Variants in NOS1AP observed in about 807,000 individuals in gnomAD.
The protein encoded by NOS1AP is carboxyl-terminal PDZ ligand of neuronal nitric oxide synthase protein.
NOS1AP carries 21 observed loss-of-function variants against 56.2 expected under a neutral mutation model. The ratio of observed to expected loss-of-function variants is 0.37; its 90% CI spans 0.26 to 0.54. The LOEUF is 0.54. NOS1AP is among the 20% of genes least tolerant of loss of function. The pLI, the probability that NOS1AP is intolerant of heterozygous loss-of-function variation, is 0.84. For missense variants in NOS1AP, 522 were observed against 657.8 expected (o/e 0.79, Z 2.26); for synonymous variants, 270 against 274.6 (o/e 0.98, Z 0.17).
intron 1 of NOS1AP, among the ~76,000 whole-genome samples, chr1:162,115,984 AG>A (rs1465253347): frequency 6.6e-6 from 1 of 152,212 alleles, no homozygotes; most frequent in Non-Finnish European, 1.5e-5. Context: ...TACTCAAAGT[AG>A]AAGGTTGTTT....
At chr1:162,112,469 T>A (rs1003632979) in intron 1 of NOS1AP, among the ~76,000 whole-genome samples, 1 of 152,190 alleles carries the variant, frequency 6.6e-6, no homozygotes, top group Non-Finnish European at 1.5e-5. Context: ...TGGGTTCCAA[T>A]TGGTTTATCT....
chr1:162,333,259 T>C (rs1656833692), intron 5 of NOS1AP, 134 bp downstream of exon 5: 1 of 703,794 alleles, frequency 1.4e-6, no homozygotes, highest in Admixed American at 2.0e-5. Flanking sequence ...CGTCTGTCAT[T>C]GCTCCTATAT....
intron 2 of NOS1AP, among the ~76,000 whole-genome samples, chr1:162,198,424 G>T (rs1326927635): frequency 6.6e-6 from 1 of 152,186 alleles, no homozygotes; most frequent in African/African-American, 2.4e-5. Flanking sequence ...ATGCCCTGCA[G>T]TGGCAAGATT....
chr1:162,245,375 A>G (rs1458124513), intron 2 of NOS1AP, among the ~76,000 whole-genome samples: 1 of 152,252 alleles, frequency 6.6e-6, no homozygotes, highest in East Asian at 1.9e-4. Flanking sequence ...AAGACTGACC[A>G]TGTCAAATGT....
intron 2 of NOS1AP, among the ~76,000 whole-genome samples, chr1:162,203,891 C>T (rs1652074105): frequency 6.6e-6 from 1 of 152,136 alleles, no homozygotes; most frequent in Admixed American, 6.5e-5. Flanking sequence ...AAAGAAGCAC[C>T]AAGGGTCAGC....
intron 2 of NOS1AP, among the ~76,000 whole-genome samples, chr1:162,246,254 AG>A (rs1653658740): frequency 1.3e-5 from 2 of 152,320 alleles, no homozygotes; most frequent in South Asian, 4.1e-4. Flanking sequence ...AGATACACAC[AG>A]GAAATAAGAT....
intron 1 of NOS1AP, among the ~76,000 whole-genome samples, chr1:162,090,076 T>C (rs1692093982): frequency 6.6e-6 from 1 of 152,216 alleles, no homozygotes; most frequent in African/African-American, 2.4e-5. Context: ...TACATTCTTG[T>C]TTCTAGTCAC....
At chr1:162,270,205 C>A (rs1323872495) in intron 2 of NOS1AP, among the ~76,000 whole-genome samples, 3 of 152,126 alleles carry the variant, frequency 2.0e-5, no homozygotes, top group East Asian at 1.9e-4. Context: ...CCATGGGAGA[C>A]AAGTGGCCTC....
At chr1:162,301,957 C>G (rs895795206) in intron 4 of NOS1AP, among the ~76,000 whole-genome samples, 67 of 152,158 alleles carry the variant, frequency 4.4e-4, no homozygotes, top group African/African-American at 1.4e-3. Context: ...AATACTCATG[C>G]CAGGTACTGT....
chr1:162,217,927 T>G (rs12124663), intron 2 of NOS1AP, among the ~76,000 whole-genome samples: 5,716 of 152,298 alleles, frequency 0.038, 168 homozygotes, highest in Admixed American at 0.055. Context: ...TGCCATGTAC[T>G]GAGCATATGG....
At chr1:162,253,895 G>T (rs1653942732) in intron 2 of NOS1AP, among the ~76,000 whole-genome samples, 1 of 152,118 alleles carries the variant, frequency 6.6e-6, no homozygotes, top group Admixed American at 6.6e-5. Flanking sequence ...TAAGAAGCAG[G>T]CGTATCCTAT....
chr1:162,218,111 C>G (rs1192298497), intron 2 of NOS1AP, among the ~76,000 whole-genome samples: 1 of 152,140 alleles, frequency 6.6e-6, no homozygotes, highest in Non-Finnish European at 1.5e-5. Flanking sequence ...CCTGGAGGCC[C>G]CACCTCTGAG....
intron 1 of NOS1AP, among the ~76,000 whole-genome samples, chr1:162,071,055 A>C (rs1254226517): frequency 6.6e-6 from 1 of 151,930 alleles, no homozygotes; most frequent in Non-Finnish European, 1.5e-5. Flanking sequence ...CCTGTGATGC[A>C]CCTCCCTGAG....
chr1:162,363,701 T>G, intron 8 of NOS1AP: 5 of 728,286 alleles, frequency 6.9e-6, no homozygotes, highest in Non-Finnish European at 8.4e-6. Flanking sequence ...ACTCTGGAGA[T>G]CTCAAGGGTT....
Position 162,261,514 on chromosome 1 carries a change from GA to G in NOS1AP, c.178-25829del, listed in dbSNP as rs1439202956. ...AGAGAGAGAGAGAGAGAGAGAGAGA[GA>G]GAGAGAGAGAGAGAGAGAGAGAGAG... On this transcript the variant is annotated intron_variant, in intron 2 of 9. Coordinates refer to ENST00000361897, the MANE Select transcript of NOS1AP (RefSeq NM_014697.3). Among the ~76,000 whole-genome samples the G allele has an allele frequency of 1.2e-3, 29 of 23,322 alleles. 10 individuals carry two copies. Among genetic ancestry groups the G allele is most frequent in the Non-Finnish European group, 2.7e-3 (20 of 7,494 alleles). 15.3% of individuals were successfully genotyped at this position (23,322 alleles called of 152,430 possible). A position where few individuals can be genotyped will look rare whatever the true frequency, so the allele number is the denominator to read the frequency against.
Position 162,339,605 on chromosome 1 carries a change from C to T in NOS1AP, c.454-4230C>T, listed in dbSNP as rs1054210283. On this transcript the variant is annotated intron_variant, in intron 5 of 9. Transcript: ENST00000361897. The stretch of plus-strand genomic sequence containing the variant: ...GTGATCTAGAAGACCCACAGACAAG[C>T]ATTCATAAAAACTTCTGGAAGGGAC... Among the ~76,000 whole-genome samples the T allele has an allele frequency of 3.9e-5, 6 of 152,174 alleles. No homozygotes were observed. The East Asian group carries it at 1.2e-3, about 29-fold the overall frequency.
chr1:162,182,243 A>G (rs139604939), intron 2 of NOS1AP, among the ~76,000 whole-genome samples: 68 of 152,282 alleles, frequency 4.5e-4, no homozygotes, highest in African/African-American at 1.5e-3. Flanking sequence ...ACTTTCATAC[A>G]TAATGTCATT....
At chr1:162,191,991 G>A (rs527705195) in intron 2 of NOS1AP, among the ~76,000 whole-genome samples, 1 of 152,200 alleles carries the variant, frequency 6.6e-6, no homozygotes, top group South Asian at 2.1e-4. Context: ...ACTTGTCTGG[G>A]GTTTTTAATG....
At chr1:162,125,746 G>A (rs1648462739) in intron 1 of NOS1AP, among the ~76,000 whole-genome samples, 1 of 152,062 alleles carries the variant, frequency 6.6e-6, no homozygotes, top group Non-Finnish European at 1.5e-5. Context: ...GATTGCTTTG[G>A]TTATTTGGGC....
Sources: gnomAD v4.1 joint callset for allele counts (sites outside exome capture counted in the v4.1 genomes callset) on GRCh38, gnomAD v4.1.1 for gene constraint, MANE v1.5 for transcripts, NCBI Gene and HGNC (gene_info 2026-07-23, HGNC 2026-07-21) for gene names.